The following ABCC1 variants were observed in gnomAD, a reference collection of about 807,000 sequenced individuals.
ABCC1 encodes the protein multidrug resistance-associated protein 1.
In ABCC1, 83 loss-of-function variants were observed where a neutral mutation model predicts 172.9. The observed-to-expected ratio is 0.48, with a 90% confidence interval of 0.40 to 0.58. The LOEUF (loss-of-function observed/expected upper bound fraction) is 0.58. Among genes scored for constraint, ABCC1 ranks in the 20% least tolerant of loss-of-function variants. The pLI is 0.00. For missense variants in ABCC1, 1,817 were observed against 2,002.7 expected, an observed-to-expected ratio of 0.91 and a Z score of 1.77; for synonymous variants, 937 against 825.2, an observed-to-expected ratio of 1.14 and a Z score of -2.32.
intron 1 of ABCC1, among the ~76,000 whole-genome samples, chr16:15,967,579 A>AAAT (rs541725736): frequency 6.5e-4 from 94 of 145,544 alleles, no homozygotes; most frequent in African/African-American, 1.8e-3. Flanking sequence ...CATCTCTACA[A>AAAT]AATAATAATA....
At chr16:16,037,706 T>C (rs1195301059) in intron 7 of ABCC1, among the ~76,000 whole-genome samples, 2 of 152,128 alleles carry the variant, frequency 1.3e-5, no homozygotes. Flanking sequence ...CCCATTGGCC[T>C]TACAGGGAAA....
intron 9 of ABCC1, among the ~76,000 whole-genome samples, chr16:16,047,881 C>T (rs17205859): frequency 0.059 from 8,846 of 150,270 alleles, 305 homozygotes; most frequent in Middle Eastern, 0.13. Context: ...TTAAAGCATG[C>T]GAAGCCCTGG....
rs534459015 is a variant in ABCC1 at position 16,068,947 on chromosome 16, A to G, written c.1824+645A>G. On this transcript the variant is annotated intron_variant, in intron 13 of 30. Transcript: ENST00000399410. ...GGTTGCAGTGAGCCAAGATCGTGCC[A>G]TTGCATTCCAGTCTGGGTGACACAG... Among the ~76,000 whole-genome samples the G allele has an allele frequency of 4.0e-5, 6 of 150,526 alleles. No individual in the cohort carries two copies. The South Asian group carries it at 1.3e-3, about 32-fold the overall frequency.
At chr16:16,049,690 T>C (rs1219729064) in intron 10 of ABCC1, among the ~76,000 whole-genome samples, 1 of 152,118 alleles carries the variant, frequency 6.6e-6, no homozygotes, top group African/African-American at 2.4e-5. Context: ...TTTTTTTGTT[T>C]TGTTTTTGTT....
chr16:15,959,435 C>T (rs922259915), intron 1 of ABCC1, among the ~76,000 whole-genome samples: 1 of 152,184 alleles, frequency 6.6e-6, no homozygotes, highest in African/African-American at 2.4e-5. Flanking sequence ...AAGCTATCTT[C>T]CCACCTTAGC....
At chr16:16,087,838 C>T (rs1446626351) in intron 18 of ABCC1, among the ~76,000 whole-genome samples, 1 of 152,186 alleles carries the variant, frequency 6.6e-6, no homozygotes, top group Non-Finnish European at 1.5e-5. Context: ...AAAATGGAAG[C>T]AGTTACACAC....
At chr16:16,110,577 A>G (rs1567416254) in intron 21 of ABCC1, among the ~76,000 whole-genome samples, 1 of 151,550 alleles carries the variant, frequency 6.6e-6, no homozygotes, top group Non-Finnish European at 1.5e-5. Context: ...TTAGTAGGCA[A>G]GGGGTTTCGC....
intron 26 of ABCC1, among the ~76,000 whole-genome samples, chr16:16,129,905 T>C (rs1205333177): frequency 6.6e-6 from 1 of 152,206 alleles, no homozygotes; most frequent in Non-Finnish European, 1.5e-5. Context: ...CGGCGTTTTC[T>C]TGTTATGTGC....
chr16:16,030,349 A>G (rs1387907175), intron 5 of ABCC1, among the ~76,000 whole-genome samples: 2 of 152,096 alleles, frequency 1.3e-5, no homozygotes, highest in African/African-American at 4.8e-5. Flanking sequence ...ACATGGTGAA[A>G]CCCCATCTCT....
chr16:16,053,774 C>CAAAAAAAAAAAAAAAAAAAA (rs10526186), intron 11 of ABCC1, among the ~76,000 whole-genome samples: 2 of 36,220 alleles, frequency 5.5e-5, no homozygotes, highest in Non-Finnish European at 7.1e-5. Flanking sequence ...GACCCTGTCT[C>CAAAAAAAAAAAAAAAAAAAA]AAAAAAAAAA....
chr16:16,102,771 G>T (rs928098083), intron 20 of ABCC1, 54 bp downstream of exon 20: 1 of 1,518,030 alleles, frequency 6.6e-7, no homozygotes, highest in African/African-American at 1.4e-5. Context: ...CCAGTGGGAG[G>T]ACAAGAGGAG....
At position 16,125,820 on chromosome 16, in the gene ABCC1, A is replaced by G. The variant is rs1399578227; in HGVS notation, c.3728A>G (p.Tyr1243Cys). 6.2e-7 allele frequency: 1 copy of G among 1,613,596 alleles called. No individual in the cohort carries two copies. The highest frequency in any genetic ancestry group is 1.7e-5 in the Admixed American group (1 of 59,992). Residue 1243 changes from tyrosine (Y) to cysteine (C), a missense_variant, in exon 26 of 31, where the codon TAC becomes TGC. Physicochemically the swap from Tyr to Cys is radical, Grantham distance 194. Around this residue, in one of 3 missense-constraint regions of ABCC1, gnomAD observed 1,412 missense variants for 1,600.3 expected, o/e 0.88. Transcript: ENST00000399410. ...CTCTTCCACTCACAGGTCACCACGTACTTGAACTGGCTGGTTCGGATGTCA... is the reference window on the plus strand; with the variant it reads ...CTCTTCCACTCACAGGTCACCACGTGCTTGAACTGGCTGGTTCGGATGTCA... ...SVSYSLQVTT[Y>C]LNWLVRMSSE...
chr16:15,996,497 T>G (rs246217), intron 1 of ABCC1, among the ~76,000 whole-genome samples: 127,349 of 152,098 alleles, frequency 0.84, 53,480 homozygotes, highest in Non-Finnish European at 0.88. Flanking sequence ...GTACACAGTA[T>G]GTCCTCATTA....
At chr16:15,998,088 C>G (rs886389645) in intron 1 of ABCC1, among the ~76,000 whole-genome samples, 2 of 151,558 alleles carry the variant, frequency 1.3e-5, no homozygotes, top group Admixed American at 1.3e-4. Context: ...TCCCAAAGTG[C>G]TGGGATTTCA....
chr16:16,074,465 G>GT (rs771928992), intron 14 of ABCC1, among the ~76,000 whole-genome samples: 3 of 152,122 alleles, frequency 2.0e-5, no homozygotes, highest in Non-Finnish European at 4.4e-5. Flanking sequence ...CCGGCGGTGG[G>GT]TGGGGGGTGG....
intron 29 of ABCC1, among the ~76,000 whole-genome samples, chr16:16,137,360 T>C (rs2045953781): frequency 6.6e-6 from 1 of 152,012 alleles, no homozygotes; most frequent in Non-Finnish European, 1.5e-5. Context: ...GCAGACCAGC[T>C]TGGGCATGTT....
At chr16:16,025,712 C>T (rs1201995393) in intron 5 of ABCC1, among the ~76,000 whole-genome samples, 1 of 152,196 alleles carries the variant, frequency 6.6e-6, no homozygotes, top group Admixed American at 6.5e-5. Context: ...TTGGTTCAAA[C>T]CACAGGGTTT....
intron 23 of ABCC1, 122 bp downstream of exon 23, chr16:16,115,198 G>T: frequency 1.8e-6 from 2 of 1,130,386 alleles, no homozygotes; most frequent in Non-Finnish European, 2.4e-6. Flanking sequence ...ATGTAGATTT[G>T]TTTTTGTCAG....
chr16:16,126,357 A>G (rs574486074), intron 26 of ABCC1, among the ~76,000 whole-genome samples: 5 of 152,160 alleles, frequency 3.3e-5, no homozygotes, highest in Admixed American at 6.6e-5. Context: ...TCTGTCTATC[A>G]GAAATAACCT....
Sources: gnomAD v4.1 joint callset for allele counts (sites outside exome capture counted in the v4.1 genomes callset) on GRCh38, gnomAD v4.1.1 for gene constraint, gnomAD v4.1.1 regional missense constraint, MANE v1.5 for transcripts, NCBI Gene and HGNC (gene_info 2026-07-23, HGNC 2026-07-21) for gene names.